PSTPIP1: variants seen among roughly 807,000 people sequenced by gnomAD.
The protein encoded by PSTPIP1 is proline-serine-threonine phosphatase-interacting protein 1.
A neutral mutation model predicts 69.6 loss-of-function variants in PSTPIP1; 66 were observed. The ratio of observed to expected loss-of-function variants is 0.95; its 90% CI spans 0.78 to 1.16. The LOEUF is 1.16. Ranked by LOEUF, PSTPIP1 falls within the 50% of genes most tolerant of loss-of-function variation. PSTPIP1 has a pLI of 0.00. For missense variants in PSTPIP1, 603 were observed against 557.4 expected (o/e 1.08, Z -0.82); for synonymous variants, 266 against 222.7 (o/e 1.19, Z -1.73).
At chr15:76,999,585 T>G (rs2075654428) in intron 1 of PSTPIP1, 1 of 152,212 alleles carries the variant, frequency 6.6e-6, no homozygotes. Flanking sequence ...AGCACTACAT[T>G]TCACTTTTGT....
At chr15:77,032,760 T>C in intron 11 of PSTPIP1, 102 bp from the exon 12 acceptor site, 1 of 1,012,592 alleles carries the variant, frequency 9.9e-7, no homozygotes, top group Non-Finnish European at 1.5e-6. Flanking sequence ...GGCACCAGGA[T>C]GGGCCAGGGC....
chr15:76,995,635 G>A, intron 1 of PSTPIP1, 26 bp downstream of exon 1: 2 of 1,612,870 alleles, frequency 1.2e-6, no homozygotes, highest in East Asian at 4.5e-5. Flanking sequence ...TGGGGGCACT[G>A]AACAAGTGGA....
Position 77,031,176 on chromosome 15 carries a change from C to A in PSTPIP1, c.643-4C>A. 1 of 1,612,136 alleles carries A rather than the reference C, an allele frequency of 6.2e-7. No individual in the cohort carries two copies. Among genetic ancestry groups the A allele is most frequent in the Non-Finnish European group, 8.5e-7 (1 of 1,179,402 alleles). On this transcript the variant is annotated splice_region_variant and splice_polypyrimidine_tract_variant and intron_variant, in intron 9 of 14. Transcript: ENST00000558012. The stretch of plus-strand genomic sequence containing the variant: ...ACTGCTCACCTCCCTCCCACTGCCC[C>A]CAGGCCTTTCAGCTGCAAGAGTTTG...
At chr15:76,994,750 G>C, upstream of PSTPIP1, 1 of 1,289,104 alleles carries the variant, frequency 7.8e-7, no homozygotes. Context: ...GGCTCCTTGA[G>C]GGCAGGACCT....
chr15:77,023,729 C>T (rs2076211796), intron 3 of PSTPIP1: 1 of 152,378 alleles, frequency 6.6e-6, no homozygotes, highest in African/African-American at 2.4e-5. Flanking sequence ...AGGCCCTGAG[C>T]TCTGGGAGGG....
At chr15:77,024,240 G>C (rs1366531122) in intron 3 of PSTPIP1, 1 of 152,230 alleles carries the variant, frequency 6.6e-6, no homozygotes, top group African/African-American at 2.4e-5. Flanking sequence ...GATGCCGCTG[G>C]TCTGTGGACC....
At chr15:77,007,807 G>T in intron 1 of PSTPIP1, 1 of 425,260 alleles carries the variant, frequency 2.4e-6, no homozygotes, top group Non-Finnish European at 4.7e-6. Flanking sequence ...GGTTAGCCAG[G>T]ATGGTCTCGA....
In PSTPIP1 at chr15:77,029,552, C is replaced by G. The variant is rs1399868994; in HGVS notation, c.540C>G (p.Cys180Trp). 6.3e-7 allele frequency: 1 copy of G among 1,584,240 alleles called. No individual in the cohort carries two copies. Among genetic ancestry groups the G allele is most frequent in the Non-Finnish European group, 8.6e-7 (1 of 1,166,244 alleles). Residue 180 changes from cysteine to tryptophan, a missense_variant, in exon 8 of 15, where the codon TGC becomes TGG. Cys to Trp is a radical substitution (Grantham distance 215). Coordinates refer to ENST00000558012, the MANE Select transcript of PSTPIP1 (RefSeq NM_003978.5). ...VEKSQNKARQ[C>W]KDSATEAERV... ...AGAGTCAGAACAAAGCCAGGCAGTGCAAGGACTCGGCCACCGAGGCAGGTA... is the reference window on the plus strand; with the variant it reads ...AGAGTCAGAACAAAGCCAGGCAGTGGAAGGACTCGGCCACCGAGGCAGGTA...
At chr15:77,012,025 G>T (rs2075944951) in intron 1 of PSTPIP1, among the ~76,000 whole-genome samples, 1 of 151,952 alleles carries the variant, frequency 6.6e-6, no homozygotes, top group African/African-American at 2.4e-5. Flanking sequence ...TTCCCTCACA[G>T]CTTTGGCTTG....
rs908820761 is a variant in PSTPIP1, at chr15:77,025,688, G to A, written c.354+84G>A. 3.0e-5 allele frequency: 35 copies of A among 1,174,144 alleles called. No individual in the cohort carries two copies. In the South Asian group the frequency reaches 4.5e-4, roughly 15 times the overall value. 72.7% of individuals were successfully genotyped at this position (1,174,144 alleles called of 1,614,324 possible). A position where few individuals can be genotyped will look rare whatever the true frequency, so the allele number is the denominator to read the frequency against. ...GTGGGGGTAGGGGGCTGACCTTCCT[G>A]GTAGAGCCAGTGGAGGGCGGCAGGG... On this transcript the variant is annotated intron_variant, in intron 5 of 14. Coordinates refer to ENST00000558012, the MANE Select transcript of PSTPIP1 (RefSeq NM_003978.5).
chr15:77,017,053 C>T (rs373483342), intron 1 of PSTPIP1, among the ~76,000 whole-genome samples: 18 of 152,102 alleles, frequency 1.2e-4, no homozygotes, highest in African/African-American at 3.4e-4. Context: ...AGACTAGGTG[C>T]GGAATGTCAG....
At chr15:76,997,105 G>C (rs1241426801) in intron 1 of PSTPIP1, among the ~76,000 whole-genome samples, 3 of 152,208 alleles carry the variant, frequency 2.0e-5, no homozygotes, top group Admixed American at 6.5e-5. Flanking sequence ...TAGGGGTGGC[G>C]TATAAGGGAG....
chr15:77,035,478 A>G (rs1342295392), intron 12 of PSTPIP1, 30 bp from the exon 13 acceptor site: 1 of 1,573,728 alleles, frequency 6.4e-7, no homozygotes, highest in Admixed American at 1.8e-5. Context: ...TGGGGCGGGG[A>G]CACTCACCCT....
rs2075752440 is a variant in PSTPIP1, at chr15:77,003,459, GC to G, written c.36+7852del. Among the ~76,000 whole-genome samples, 5 of 152,272 alleles carry G rather than the reference GC, an allele frequency of 3.3e-5. No individual in the cohort carries two copies. In the South Asian group the frequency reaches 1.0e-3, roughly 32 times the overall value. Reference sequence around the variant, plus strand: ...ATCTGAGGTCAGGGGTTCGAGACCAGCCTGGCCACCATGGTGAAACCCTGTC... The same window carrying G: ...ATCTGAGGTCAGGGGTTCGAGACCAGCTGGCCACCATGGTGAAACCCTGTC... On this transcript the variant is annotated intron_variant, in intron 1 of 14. Coordinates refer to ENST00000558012, the MANE Select transcript of PSTPIP1 (RefSeq NM_003978.5).
At chr15:76,999,922 T>A (rs1051997054) in intron 1 of PSTPIP1, among the ~76,000 whole-genome samples, 2 of 152,188 alleles carry the variant, frequency 1.3e-5, no homozygotes, top group African/African-American at 4.8e-5. Flanking sequence ...GAGATCCACA[T>A]CCTATTCCTT....
At chr15:77,032,176 A>T (rs1454341989) in intron 10 of PSTPIP1, 122 bp from the exon 11 acceptor site, 2 of 935,468 alleles carry the variant, frequency 2.1e-6, no homozygotes, top group Non-Finnish European at 3.2e-6. Flanking sequence ...AGGATCAAAG[A>T]CCCCGAGCCG....
intron 1 of PSTPIP1, among the ~76,000 whole-genome samples, chr15:76,997,218 G>A (rs1328436446): frequency 6.6e-6 from 1 of 152,226 alleles, no homozygotes; most frequent in African/African-American, 2.4e-5. Context: ...TGGGCTTCCT[G>A]GCCTCCAAGT....
Position 77,035,526 on chromosome 15 carries a change from CG to C in PSTPIP1, c.950del (p.Gly317GlufsTer18). ...MIKRFSGLLHGSPKTTSLAAS... is the reference protein window; with the variant it reads ...MIKRFSGLLHXSPKTTSLAAS... ...TTCCCAGGTTCTCTGGACTGCTGCA[CG>C]GAAGTCCCAAGACCACTTCGTTGGC... On this transcript the variant is annotated frameshift_variant, in exon 13 of 15. Transcript: ENST00000558012. LOFTEE classifies it high-confidence loss of function. 6.3e-7 allele frequency: 1 copy of C among 1,592,670 alleles called. No homozygotes were observed. The highest frequency in any genetic ancestry group is 8.5e-7 in the Non-Finnish European group (1 of 1,170,058).
At chr15:77,036,983 C>A (rs1007210213) in intron 14 of PSTPIP1, 62 bp from the exon 15 acceptor site, 1 of 1,581,648 alleles carries the variant, frequency 6.3e-7, no homozygotes, top group South Asian at 1.1e-5. Flanking sequence ...CGCCAGGCCC[C>A]TCCCTGCAGG....
Sources: gnomAD v4.1 joint callset for allele counts (sites outside exome capture counted in the v4.1 genomes callset) on GRCh38, gnomAD v4.1.1 for gene constraint, MANE v1.5 for transcripts, NCBI Gene and HGNC (gene_info 2026-07-23, HGNC 2026-07-21) for gene names.